SLC10A7: variants seen among roughly 807,000 people sequenced by gnomAD.
SLC10A7 encodes sodium/bile acid cotransporter 7.
SLC10A7 carries 29 observed loss-of-function variants against 43.2 expected under a neutral mutation model. The observed-to-expected ratio is 0.67, with a 90% CI of 0.50 to 0.92. The LOEUF (loss-of-function observed/expected upper bound fraction) is 0.92, where lower values mean the gene tolerates loss of function less well. Among genes scored for constraint, SLC10A7 ranks in the 40% least tolerant of loss-of-function variants. The pLI is 0.00. For missense variants in SLC10A7, 295 were observed against 403.2 expected, an observed-to-expected ratio of 0.73 and a Z score of 2.30; for synonymous variants, 152 against 144.8, an observed-to-expected ratio of 1.05 and a Z score of -0.35.
At chr4:146,396,899 TAAC>T (rs985777925) in intron 5 of SLC10A7, among the ~76,000 whole-genome samples, 3 of 150,908 alleles carry the variant, frequency 2.0e-5, no homozygotes, top group African/African-American at 7.3e-5. Flanking sequence ...TAAACACAAA[TAAC>T]AAAAGGAAAA....
At chr4:146,461,680 T>G (rs1269539232) in intron 4 of SLC10A7, among the ~76,000 whole-genome samples, 1 of 151,288 alleles carries the variant, frequency 6.6e-6, no homozygotes, top group African/African-American at 2.4e-5. Context: ...TGTAAATGTA[T>G]CAAATATAAT....
rs1359909447 is a variant in SLC10A7 at position 146,388,233 on chromosome 4, C to T, written c.435+54550G>A. Among the ~76,000 whole-genome samples, 6 of 152,118 alleles carry T rather than the reference C, an allele frequency of 3.9e-5. No homozygotes were observed. In the East Asian group the frequency reaches 9.6e-4, roughly 24 times the overall value. Reference sequence around the variant, plus strand: ...TTGGTATAAAAACAGACAAATAGATCAGTGGAACAGAATAGAGAACCCAGA... The same window carrying T: ...TTGGTATAAAAACAGACAAATAGATTAGTGGAACAGAATAGAGAACCCAGA... On this transcript the variant is annotated intron_variant, in intron 5 of 11. Coordinates refer to ENST00000335472, the MANE Select transcript of SLC10A7 (RefSeq NM_001029998.6).
chr4:146,366,705 C>T (rs1021156810), intron 5 of SLC10A7, among the ~76,000 whole-genome samples: 1 of 152,064 alleles, frequency 6.6e-6, no homozygotes, highest in African/African-American at 2.4e-5. Flanking sequence ...TCTATAATTT[C>T]TATATTTTAT....
intron 5 of SLC10A7, among the ~76,000 whole-genome samples, chr4:146,413,570 C>A (rs1469373337): frequency 6.6e-6 from 1 of 152,120 alleles, no homozygotes; most frequent in Non-Finnish European, 1.5e-5. Flanking sequence ...ATTTACTACT[C>A]AGGATGAATT....
intron 9 of SLC10A7, among the ~76,000 whole-genome samples, chr4:146,292,412 T>C: frequency 6.6e-6 from 1 of 151,466 alleles, no homozygotes; most frequent in East Asian, 1.9e-4. Flanking sequence ...AGAAGTAGGA[T>C]CGGGAAATTG....
Position 146,424,436 on chromosome 4 carries a change from G to A in SLC10A7, c.435+18347C>T, listed in dbSNP as rs140216872. Among the ~76,000 whole-genome samples, 1,039 of 152,144 alleles carry A rather than the reference G, an allele frequency of 6.8e-3. 10 individuals are homozygous for A. The highest frequency in any genetic ancestry group is 0.023 in the African/African-American group (974 of 41,528). On this transcript the variant is annotated intron_variant, in intron 5 of 11. Transcript: ENST00000335472. ...AGCACTTTAGGAAGCCAAGGCAGGC[G>A]GACCACCTGAGGTCAGGAGTTAGAG...
intron 7 of SLC10A7, among the ~76,000 whole-genome samples, chr4:146,295,190 A>G (rs1417195920): frequency 6.6e-6 from 1 of 152,204 alleles, no homozygotes; most frequent in Non-Finnish European, 1.5e-5. Context: ...TGGCTGTTGG[A>G]TCAACTTCAA....
chr4:146,475,146 T>A (rs1733916142), intron 4 of SLC10A7, among the ~76,000 whole-genome samples: 3 of 152,212 alleles, frequency 2.0e-5, no homozygotes, highest in Admixed American at 2.0e-4. Flanking sequence ...GATGCCATTT[T>A]ACTTTGTTTC....
At chr4:146,430,781 G>A (rs1729723301) in intron 5 of SLC10A7, among the ~76,000 whole-genome samples, 1 of 152,140 alleles carries the variant, frequency 6.6e-6, no homozygotes, top group African/African-American at 2.4e-5. Context: ...AGTTACTCTA[G>A]TTACTCATAG....
intron 6 of SLC10A7, among the ~76,000 whole-genome samples, chr4:146,324,514 G>A (rs995426317): frequency 2.6e-5 from 4 of 152,126 alleles, no homozygotes; most frequent in African/African-American, 4.8e-5. Context: ...ATGAGTAAGA[G>A]ATGTCTCTCT....
intron 5 of SLC10A7, among the ~76,000 whole-genome samples, chr4:146,337,759 G>A (rs894189071): frequency 1.3e-5 from 2 of 151,436 alleles, no homozygotes; most frequent in Non-Finnish European, 2.9e-5. Flanking sequence ...CTCAACAAAA[G>A]GAATAAAAAC....
At chr4:146,277,742 G>A (rs1013136847) in intron 10 of SLC10A7, among the ~76,000 whole-genome samples, 2 of 152,060 alleles carry the variant, frequency 1.3e-5, no homozygotes, top group African/African-American at 4.8e-5. Context: ...ACTGTGAAAC[G>A]GCAATGTGGC....
chr4:146,308,204 G>A (rs971622071), intron 6 of SLC10A7, among the ~76,000 whole-genome samples: 1 of 152,138 alleles, frequency 6.6e-6, no homozygotes, highest in Non-Finnish European at 1.5e-5. Context: ...AGACAGACGA[G>A]GTATGGCAGG....
chr4:146,348,607 G>C (rs1734795315), intron 5 of SLC10A7, among the ~76,000 whole-genome samples: 1 of 152,076 alleles, frequency 6.6e-6, no homozygotes, highest in African/African-American at 2.4e-5. Context: ...TAAGAGTCAT[G>C]TTTTCAGAAA....
intron 5 of SLC10A7, among the ~76,000 whole-genome samples, chr4:146,386,768 A>C (rs1201474715): frequency 1.3e-5 from 2 of 152,142 alleles, no homozygotes; most frequent in African/African-American, 4.8e-5. Flanking sequence ...ATATTCCTTC[A>C]GTTATATGTG....
At chr4:146,318,092 T>A (rs1732448716) in intron 6 of SLC10A7, among the ~76,000 whole-genome samples, 1 of 152,074 alleles carries the variant, frequency 6.6e-6, no homozygotes, top group South Asian at 2.1e-4. Context: ...TCTCCATAAC[T>A]GGGTTAATCC....
intron 5 of SLC10A7, among the ~76,000 whole-genome samples, chr4:146,331,923 T>A (rs1052747560): frequency 6.6e-6 from 1 of 152,110 alleles, no homozygotes; most frequent in African/African-American, 2.4e-5. Context: ...TCTGGACACA[T>A]CTAAATTTCA....
chr4:146,481,202 C>G (rs1403573534), intron 4 of SLC10A7, among the ~76,000 whole-genome samples: 1 of 152,156 alleles, frequency 6.6e-6, no homozygotes, highest in Non-Finnish European at 1.5e-5. Flanking sequence ...AATTCCCATC[C>G]CAAGGATTCA....
intron 4 of SLC10A7, among the ~76,000 whole-genome samples, chr4:146,497,911 T>G (rs1430990620): frequency 6.6e-6 from 1 of 152,012 alleles, no homozygotes; most frequent in Non-Finnish European, 1.5e-5. Flanking sequence ...TTGTAAGGCT[T>G]TTGGAGGGAA....
Sources: allele counts gnomAD v4.1 joint callset (sites outside exome capture counted in the v4.1 genomes callset), GRCh38; gene constraint gnomAD v4.1.1; transcripts MANE v1.5; gene names NCBI Gene and HGNC (gene_info 2026-07-23, HGNC 2026-07-21).